The following DMD variants were observed in gnomAD, a reference collection of about 807,000 sequenced individuals.
DMD encodes mutant dystrophin.
In DMD, 63 loss-of-function variants were observed where a neutral mutation model predicts 330.1. That is an observed-to-expected ratio of 0.19 (90% confidence interval 0.16 to 0.24). The LOEUF (loss-of-function observed/expected upper bound fraction) is 0.24, where lower values mean the gene tolerates loss of function less well. DMD is among the 10% of genes least tolerant of loss of function. DMD has a pLI of 1.00. For missense variants in DMD, 3,344 were observed against 2,684.1 expected, an observed-to-expected ratio of 1.25 and a Z score of -5.43; for synonymous variants, 1,223 against 959.8, an observed-to-expected ratio of 1.27 and a Z score of -5.07.
intron 34 of DMD, among the ~76,000 whole-genome samples, chrX:32,377,993 GA>G (rs2097910645): frequency 9.0e-6 from 1 of 110,600 alleles, no homozygotes; most frequent in African/African-American, 3.3e-5. Flanking sequence ...CATGTTGGTA[GA>G]AAAAAATAAA....
rs752729042 is a variant in DMD, at chrX:31,906,189, TGAA to T, written c.6912+23404_6912+23406del. ...CATTCTCCTCCTTCCTGCTGCCATG[TGAA>T]GAAGAAGGTGTTTGCTTCCCCATCT... On this transcript the variant is annotated intron_variant, in intron 47 of 78. Coordinates refer to ENST00000357033, the MANE Select transcript of DMD (RefSeq NM_004006.3). 2.1e-4 allele frequency among the ~76,000 whole-genome samples: 24 copies of T among 112,055 alleles called. No homozygotes were observed. In the East Asian group the frequency reaches 4.5e-3, roughly 21 times the overall value.
At chrX:31,189,949 T>A (rs907336011) in intron 67 of DMD, among the ~76,000 whole-genome samples, 4 of 112,448 alleles carry the variant, frequency 3.6e-5, no homozygotes, top group Non-Finnish European at 7.5e-5. Flanking sequence ...GTATCACACA[T>A]AAAAGGCTAA....
chrX:32,754,304 G>A (rs1236242132), intron 7 of DMD, among the ~76,000 whole-genome samples: 1 of 110,418 alleles, frequency 9.1e-6, no homozygotes, highest in Non-Finnish European at 1.9e-5. Flanking sequence ...ACTTTCTGAG[G>A]GCCACACAGC....
chrX:31,764,319 A>G (rs953484947), intron 51 of DMD, among the ~76,000 whole-genome samples: 23 of 111,990 alleles, frequency 2.1e-4, no homozygotes, highest in Non-Finnish European at 3.2e-4. Flanking sequence ...ACTTAAAAAA[A>G]TCAAACTTGA....
At chrX:32,188,577 TC>T (rs1445896492) in intron 44 of DMD, among the ~76,000 whole-genome samples, 1 of 107,574 alleles carries the variant, frequency 9.3e-6, no homozygotes. Flanking sequence ...TTGGATGTTT[TC>T]CTGGACTCTC....
At chrX:31,929,830 T>C (rs2094830593) in intron 46 of DMD, 85 bp from the exon 47 acceptor site, 2 of 1,118,323 alleles carry the variant, frequency 1.8e-6, no homozygotes, top group Non-Finnish European at 2.4e-6. Flanking sequence ...GATTAGTCTA[T>C]CAAAATGAAG....
chrX:32,403,766 G>T (rs1466557142), intron 30 of DMD, among the ~76,000 whole-genome samples: 2 of 111,935 alleles, frequency 1.8e-5, no homozygotes, highest in East Asian at 5.6e-4. Flanking sequence ...TGTGTAAAAA[G>T]AAAATAAAAA....
At chrX:31,829,464 T>A (rs6631412) in intron 49 of DMD, among the ~76,000 whole-genome samples, 39,806 of 104,303 alleles carry the variant, frequency 0.38, 5,602 homozygotes, top group East Asian at 0.66. Context: ...AAAAAAAAAT[T>A]TTTTAATTAA....
intron 55 of DMD, among the ~76,000 whole-genome samples, chrX:31,608,990 T>G (rs2077756129): frequency 8.9e-6 from 1 of 112,095 alleles, no homozygotes; most frequent in South Asian, 3.7e-4. Context: ...AACATGACAA[T>G]GATGTGTACT....
intron 51 of DMD, among the ~76,000 whole-genome samples, chrX:31,757,839 A>G (rs1041100451): frequency 5.4e-5 from 6 of 111,119 alleles, no homozygotes. Flanking sequence ...TCATCTTGCT[A>G]AAGTTCGTTG....
At chrX:31,297,407 A>C (rs1025626397) in intron 62 of DMD, among the ~76,000 whole-genome samples, 1 of 111,009 alleles carries the variant, frequency 9.0e-6, no homozygotes, top group African/African-American at 3.3e-5. Flanking sequence ...TAAATCTTGA[A>C]ACTTACATAG....
intron 1 of DMD, among the ~76,000 whole-genome samples, chrX:33,098,208 C>T (rs1280357160): frequency 2.7e-5 from 3 of 111,364 alleles, no homozygotes; most frequent in Admixed American, 9.6e-5. Context: ...CCCAGTTTAG[C>T]GGAAGAGAAA....
At chrX:32,336,800 T>A (rs759432404) in intron 41 of DMD, among the ~76,000 whole-genome samples, 3 of 112,116 alleles carry the variant, frequency 2.7e-5, no homozygotes, top group South Asian at 3.7e-4. Flanking sequence ...TAGAAAAATA[T>A]GTTCAAAGAT....
At chrX:31,811,351 G>GAAAGACA (rs779794780) in intron 50 of DMD, among the ~76,000 whole-genome samples, 150 of 112,059 alleles carry the variant, frequency 1.3e-3, no homozygotes, top group African/African-American at 4.8e-3. Context: ...CTGCCTTCAT[G>GAAAGACA]GAAAGACTTC....
chrX:33,103,608 A>C (rs2095260263), intron 1 of DMD, among the ~76,000 whole-genome samples: 1 of 109,627 alleles, frequency 9.1e-6, no homozygotes, highest in African/African-American at 3.3e-5. Context: ...CCCCACCCCT[A>C]TCTCCCTTCC....
At chrX:32,152,359 CA>C (rs1322437751) in intron 44 of DMD, among the ~76,000 whole-genome samples, 1 of 111,455 alleles carries the variant, frequency 9.0e-6, no homozygotes, top group African/African-American at 3.3e-5. Flanking sequence ...TCACTAACAA[CA>C]AATTTTCTTC....
chrX:32,450,144 C>T (rs1288585314), intron 26 of DMD, among the ~76,000 whole-genome samples: 1 of 110,703 alleles, frequency 9.0e-6, no homozygotes, highest in African/African-American at 3.3e-5. Flanking sequence ...CCACAGAAAG[C>T]CCTCAAGTAA....
intron 26 of DMD, among the ~76,000 whole-genome samples, chrX:32,454,188 G>A (rs1024421530): frequency 1.8e-5 from 2 of 111,180 alleles, no homozygotes; most frequent in Non-Finnish European, 3.8e-5. Flanking sequence ...AAAAGTACAT[G>A]TAAACTCAGT....
chrX:31,902,360 G>T (rs1207107839), intron 47 of DMD, among the ~76,000 whole-genome samples: 1 of 111,587 alleles, frequency 9.0e-6, no homozygotes, highest in African/African-American at 3.3e-5. Flanking sequence ...ACCTAGCAAC[G>T]TGCTGATCTT....
Sources: allele counts gnomAD v4.1 joint callset (sites outside exome capture counted in the v4.1 genomes callset), GRCh38; gene constraint gnomAD v4.1.1; transcripts MANE v1.5; gene names NCBI Gene and HGNC (gene_info 2026-07-23, HGNC 2026-07-21).